Variants in MN1 observed in about 807,000 individuals in gnomAD.
The protein encoded by MN1 is MN1 proto-oncogene, transcriptional regulator, also known as transcriptional activator MN1.
A neutral mutation model predicts 86.9 loss-of-function variants in MN1; 19 were observed. That is an observed-to-expected ratio of 0.22 (90% CI 0.15 to 0.32). The LOEUF is 0.32. MN1 is among the 10% of genes least tolerant of loss of function. MN1 has a pLI of 1.00. For missense variants in MN1, 1,841 were observed against 1,862.0 expected, an observed-to-expected ratio of 0.99 and a Z score of 0.21; for synonymous variants, 928 against 849.6, an observed-to-expected ratio of 1.09 and a Z score of -1.60.
chr22:27,774,084 G>A (rs900075544), intron 1 of MN1, among the ~76,000 whole-genome samples: 8 of 152,092 alleles, frequency 5.3e-5, no homozygotes, highest in African/African-American at 1.2e-4. Context: ...TTCACCTCCC[G>A]TGTGCCCAGA....
At chr22:27,783,580 C>T (rs1404552228) in intron 1 of MN1, among the ~76,000 whole-genome samples, 1 of 152,204 alleles carries the variant, frequency 6.6e-6, no homozygotes, top group Non-Finnish European at 1.5e-5. Flanking sequence ...CAAAGGTCAA[C>T]TATAGTCCTG....
chr22:27,794,142 T>G (rs1443922513), intron 1 of MN1, among the ~76,000 whole-genome samples: 5 of 152,158 alleles, frequency 3.3e-5, no homozygotes, highest in African/African-American at 1.2e-4. Flanking sequence ...TATTTCGAAG[T>G]GGCACACTTC....
Position 27,750,462 on chromosome 22 carries a change from G to C in MN1, c.*453C>G. ...TGAACAAAGCAAAAAGAAAATAAAAGGGGAGGGGGTAAGAAAAGGAAAAAG... is the reference window on the plus strand; with the variant it reads ...TGAACAAAGCAAAAAGAAAATAAAACGGGAGGGGGTAAGAAAAGGAAAAAG... On this transcript the variant is annotated 3_prime_UTR_variant, in exon 2 of 2. Coordinates refer to ENST00000302326, the MANE Select transcript of MN1 (RefSeq NM_002430.3). 1 of 230,896 alleles carries C rather than the reference G, an allele frequency of 4.3e-6. No homozygotes were observed. The highest frequency in any genetic ancestry group is 8.6e-6 in the Non-Finnish European group (1 of 116,606). 14.3% of individuals were successfully genotyped at this position (230,896 alleles called of 1,614,324 possible).
chr22:27,748,995 C>T lies in MN1; in HGVS notation c.*1920G>A, dbSNP rs1369532347. ...CCCATGGTGGGGGGAAATTCCCTTC[C>T]CTTTCCATTCCTTTTGTAGCAGAAC... On this transcript the variant is annotated 3_prime_UTR_variant, in exon 2 of 2. Coordinates refer to ENST00000302326, the MANE Select transcript of MN1 (RefSeq NM_002430.3). The T allele has an allele frequency of 4.3e-6, 1 of 231,372 alleles. No individual in the cohort carries two copies. The highest frequency in any genetic ancestry group is 2.2e-5 in the African/African-American group (1 of 45,252). The allele number at this position is 231,372 out of a possible 1,614,324, so 14.3% of individuals were successfully genotyped here. A position where few individuals can be genotyped will look rare whatever the true frequency, so the allele number is the denominator to read the frequency against.
chr22:27,774,926 C>T lies in MN1; in HGVS notation c.3781+21837G>A, dbSNP rs545797085. Among the ~76,000 whole-genome samples, 3 of 152,304 alleles carry T rather than the reference C, an allele frequency of 2.0e-5. No homozygotes were observed. In the South Asian group the frequency reaches 6.2e-4, roughly 32 times the overall value. ...CCTCCTGAGCCCCCCATATCACAGACCATCCAGCTTGCATAGCCCCTGGGC... is the reference window on the plus strand; with the variant it reads ...CCTCCTGAGCCCCCCATATCACAGATCATCCAGCTTGCATAGCCCCTGGGC... On this transcript the variant is annotated intron_variant, in intron 1 of 1. Transcript: ENST00000302326.
chr22:27,771,867 G>C (rs1159877364), intron 1 of MN1, among the ~76,000 whole-genome samples: 3 of 152,194 alleles, frequency 2.0e-5, no homozygotes, highest in Admixed American at 6.5e-5. Flanking sequence ...ATTTGCCCAA[G>C]GTCCCACAGC....
intron 1 of MN1, among the ~76,000 whole-genome samples, chr22:27,766,098 T>C (rs1248678412): frequency 1.3e-5 from 2 of 152,188 alleles, no homozygotes; most frequent in Non-Finnish European, 2.9e-5. Context: ...AGCTGGGCTC[T>C]GCCGGACGCT....
At chr22:27,792,553 G>A (rs553304331) in intron 1 of MN1, among the ~76,000 whole-genome samples, 1 of 151,832 alleles carries the variant, frequency 6.6e-6, no homozygotes, top group Admixed American at 6.6e-5. Flanking sequence ...TCAGGAGGCG[G>A]GCAAAGTAGA....
chr22:27,796,557 T>TG (rs1231015633), intron 1 of MN1, among the ~76,000 whole-genome samples: 1 of 41,084 alleles, frequency 2.4e-5, no homozygotes, highest in Non-Finnish European at 4.6e-5. Context: ...TGGTAACATG[T>TG]GGGGGGCTTG....
chr22:27,787,956 G>C (rs1022699303), intron 1 of MN1, among the ~76,000 whole-genome samples: 3 of 152,190 alleles, frequency 2.0e-5, no homozygotes. Flanking sequence ...CCTCCCCCAT[G>C]CATGTGCAGC....
intron 1 of MN1, among the ~76,000 whole-genome samples, chr22:27,795,398 T>A (rs1450203999): frequency 2.0e-5 from 3 of 151,832 alleles, no homozygotes; most frequent in Non-Finnish European, 4.4e-5. Flanking sequence ...CCCATGCCAT[T>A]CTCCTAAAAC....
intron 1 of MN1, among the ~76,000 whole-genome samples, chr22:27,760,091 T>C (rs1182258742): frequency 6.6e-6 from 1 of 152,216 alleles, no homozygotes; most frequent in African/African-American, 2.4e-5. Flanking sequence ...GGCTCACACC[T>C]GTAATCCCAG....
At chr22:27,772,397 G>C (rs535993619) in intron 1 of MN1, among the ~76,000 whole-genome samples, 1 of 152,340 alleles carries the variant, frequency 6.6e-6, no homozygotes, top group East Asian at 1.9e-4. Flanking sequence ...GGGAGTTGGG[G>C]TGGAAATAGA....
intron 1 of MN1, among the ~76,000 whole-genome samples, chr22:27,779,152 G>A (rs1933018863): frequency 6.6e-6 from 1 of 152,138 alleles, no homozygotes; most frequent in African/African-American, 2.4e-5. Context: ...GATGAATGCT[G>A]TCTCTGGATG....
In MN1 at chr22:27,750,995, G is replaced by C; in HGVS notation, c.3883C>G (p.Arg1295Gly). 1 of 1,613,012 alleles carries C rather than the reference G, an allele frequency of 6.2e-7. No homozygotes were observed. Among genetic ancestry groups the C allele is most frequent in the Non-Finnish European group, 8.5e-7 (1 of 1,179,420 alleles). ...CTDDVGDAKA[R>G]ASVPTWRSLH... ...GACCGCCAGGTGGGCACGGAGGCTCGAGCCTTGGCGTCACCCACGTCGTCT... is the reference window on the plus strand; with the variant it reads ...GACCGCCAGGTGGGCACGGAGGCTCCAGCCTTGGCGTCACCCACGTCGTCT... Residue 1295 changes from arginine (R) to glycine (G), a missense_variant, in exon 2 of 2, where the codon CGA (arginine) becomes GGA (glycine). Physicochemically the swap from Arg to Gly is moderately radical, Grantham distance 125. Transcript: ENST00000302326.
At chr22:27,757,748 G>A (rs2146294747) in intron 1 of MN1, among the ~76,000 whole-genome samples, 1 of 152,200 alleles carries the variant, frequency 6.6e-6, no homozygotes, top group Non-Finnish European at 1.5e-5. Flanking sequence ...ACTTCTTGGA[G>A]CCTTCGTGCT....
At chr22:27,761,957 C>T (rs1461552693) in intron 1 of MN1, among the ~76,000 whole-genome samples, 1 of 152,138 alleles carries the variant, frequency 6.6e-6, no homozygotes, top group African/African-American at 2.4e-5. Flanking sequence ...CCGGGGAATG[C>T]GGGGGGAGGC....
At chr22:27,756,143 G>A (rs1240372277) in intron 1 of MN1, among the ~76,000 whole-genome samples, 1 of 152,250 alleles carries the variant, frequency 6.6e-6, no homozygotes, top group African/African-American at 2.4e-5. Flanking sequence ...GGAGGGCTGA[G>A]TGACCCTTCT....
At chr22:27,795,796 C>A (rs989953200) in intron 1 of MN1, among the ~76,000 whole-genome samples, 4 of 152,092 alleles carry the variant, frequency 2.6e-5, no homozygotes, top group Non-Finnish European at 5.9e-5. Context: ...ATATCTACGG[C>A]AACCCAGTCA....
Sources: gnomAD v4.1 joint callset for allele counts (sites outside exome capture counted in the v4.1 genomes callset) on GRCh38, gnomAD v4.1.1 for gene constraint, MANE v1.5 for transcripts, NCBI Gene and HGNC (gene_info 2026-07-23, HGNC 2026-07-21) for gene names.